Variants in DLX2 observed in about 807,000 individuals in gnomAD.
DLX2 encodes the protein homeobox protein DLX-2.
In DLX2, 8 loss-of-function variants were observed where a neutral mutation model predicts 27.4. The observed-to-expected ratio is 0.29, with a 90% CI of 0.17 to 0.53. The LOEUF (loss-of-function observed/expected upper bound fraction) is 0.53, where lower values mean the gene tolerates loss of function less well. Among genes scored for constraint, DLX2 ranks in the 20% least tolerant of loss-of-function variants. DLX2 has a pLI of 0.96. For missense variants in DLX2, 421 were observed against 450.9 expected (o/e 0.93, Z 0.60); for synonymous variants, 210 against 200.8 (o/e 1.05, Z -0.39).
rs548848081 is a variant in DLX2, at chr2:172,100,462, G to A, written c.*81C>T. On this transcript the variant is annotated 3_prime_UTR_variant, in exon 3 of 3. Coordinates refer to ENST00000234198, the MANE Select transcript of DLX2 (RefSeq NM_004405.4). The surrounding 1 kb of genome is among the most constrained non-coding windows in gnomAD (Gnocchi z 4.5). ...GAGAGGTGGGTGGCGGCAGCGGGCC[G>A]GGAGGAGGGAACCCCGGCTCGGGGT... The A allele has an allele frequency of 7.8e-5, 111 of 1,428,130 alleles. No individual in the cohort carries two copies. The African/African-American group carries it at 1.5e-3, about 19-fold the overall frequency. The allele number at this position is 1,428,130 out of a possible 1,614,324, so 88.5% of individuals were successfully genotyped here.
rs538584154 is a variant in DLX2 at position 172,099,712 on chromosome 2, T to C, written c.*831A>G. 6.5e-6 allele frequency: 1 copy of C among 152,766 alleles called. No homozygotes were observed. Among genetic ancestry groups the C allele is most frequent in the Non-Finnish European group, 1.5e-5 (1 of 68,026 alleles). The allele number at this position is 152,766 out of a possible 1,614,324, so 9.5% of individuals were successfully genotyped here. On this transcript the variant is annotated 3_prime_UTR_variant, in exon 3 of 3. Transcript: ENST00000234198. ...AAGTCTGAAAAGATGAGTATTTTTA[T>C]ACAAATAAATCAGTGGGAAAATCTG...
Position 172,101,752 on chromosome 2 carries a change from T to C in DLX2, c.401-106A>G, listed in dbSNP as rs906329109. On this transcript the variant is annotated intron_variant, in intron 1 of 2. Coordinates refer to ENST00000234198, the MANE Select transcript of DLX2 (RefSeq NM_004405.4). The stretch of plus-strand genomic sequence containing the variant: ...GACTTGGCTTGAGCAAAGAGGTGGG[T>C]GCACTGAACTGTGGCGCCACGGGCA... 8.1e-6 allele frequency: 10 copies of C among 1,235,720 alleles called. No homozygotes were observed. In the East Asian group the frequency reaches 2.1e-4, roughly 26 times the overall value. 76.5% of individuals were successfully genotyped at this position (1,235,720 alleles called of 1,614,324 possible).
chr2:172,100,456 C>G lies in DLX2; in HGVS notation c.*87G>C. The G allele has an allele frequency of 7.1e-7, 1 of 1,405,162 alleles. No individual in the cohort carries two copies. The highest frequency in any genetic ancestry group is 9.4e-7 in the Non-Finnish European group (1 of 1,059,700). 87.0% of individuals were successfully genotyped at this position (1,405,162 alleles called of 1,614,324 possible). On this transcript the variant is annotated 3_prime_UTR_variant, in exon 3 of 3. Coordinates refer to ENST00000234198, the MANE Select transcript of DLX2 (RefSeq NM_004405.4). This position sits in a 1 kb window ranked among gnomAD's most constrained non-coding sequence, Gnocchi z 4.5. ...CTGCAGGAGAGGTGGGTGGCGGCAG[C>G]GGGCCGGGAGGAGGGAACCCCGGCT...
Position 172,100,553 on chromosome 2 carries a change from G to C in DLX2, c.977C>G (p.Thr326Arg). 1 of 1,574,322 alleles carries C rather than the reference G, an allele frequency of 6.4e-7. No homozygotes were observed. The highest frequency in any genetic ancestry group is 1.4e-5 in the African/African-American group (1 of 71,140). ...GGGGAPVSAG[T>R]IF The stretch of plus-strand genomic sequence containing the variant: ...GAGTTCTCCCTGGGGTTAGAAAATC[G>C]TCCCCGCGCTCACCGGGGCGCCCCC... Residue 326 changes from threonine (T) to arginine (R), a missense_variant, in exon 3 of 3, where the codon ACG (threonine) becomes AGG (arginine). Thr to Arg is a moderately conservative substitution (Grantham distance 71). Around this residue, in one of 5 missense-constraint regions of DLX2, gnomAD observed 185 missense variants for 171.1 expected, o/e 1.08. Coordinates refer to ENST00000234198, the MANE Select transcript of DLX2 (RefSeq NM_004405.4). This position sits in a 1 kb window ranked among gnomAD's most constrained non-coding sequence, Gnocchi z 4.5.
chr2:172,102,673 C>A lies in DLX2; in HGVS notation c.-135G>T. 3.4e-6 allele frequency: 3 copies of A among 877,604 alleles called. No homozygotes were observed. The highest frequency in any genetic ancestry group is 5.1e-6 in the Non-Finnish European group (3 of 588,720). 54.4% of individuals were successfully genotyped at this position (877,604 alleles called of 1,614,324 possible). On this transcript the variant is annotated 5_prime_UTR_variant, in exon 1 of 3. Coordinates refer to ENST00000234198, the MANE Select transcript of DLX2 (RefSeq NM_004405.4). ...GGTGGGGAAACAAGAAAGGAGGCAACCGTCTAGGCGCCTCCTCCTCCGGGG... is the reference window on the plus strand; with the variant it reads ...GGTGGGGAAACAAGAAAGGAGGCAAACGTCTAGGCGCCTCCTCCTCCGGGG...
chr2:172,101,504 C>G lies in DLX2; in HGVS notation c.543G>C (p.Glu181Asp), dbSNP rs1229980856. The G allele has an allele frequency of 6.2e-7, 1 of 1,612,528 alleles. No individual in the cohort carries two copies. The highest frequency in any genetic ancestry group is 8.5e-7 in the Non-Finnish European group (1 of 1,179,170). Residue 181 changes from glutamate to aspartate, a missense_variant, in exon 2 of 3, where the codon GAG becomes GAC. By Grantham distance (45) the Glu-to-Asp change is conservative. This residue lies in a region of DLX2 where 36 missense variants were observed against 73.6 expected (regional missense o/e 0.49). Transcript: ENST00000234198. ...CCAGAGAGGCCGCCAGCTCGGCTCGCTCCGGCAAGGCCAAGTATTGAGTCT... is the reference window on the plus strand; with the variant it reads ...CCAGAGAGGCCGCCAGCTCGGCTCGGTCCGGCAAGGCCAAGTATTGAGTCT... ...FQKTQYLALP[E>D]RAELAASLGL... is the part of the protein sequence containing the mutation.
chr2:172,100,418 T>A lies in DLX2; in HGVS notation c.*125A>T, dbSNP rs1691130728. 9.0e-7 allele frequency: 1 copy of A among 1,109,802 alleles called. No individual in the cohort carries two copies. Among genetic ancestry groups the A allele is most frequent in the African/African-American group, 1.7e-5 (1 of 60,336 alleles). The allele number at this position is 1,109,802 out of a possible 1,614,324, so 68.7% of individuals were successfully genotyped here. ...GTGAGCAGGGCCTGAGACGGGCCACTGCAGGTCGCAGCCTGCAGGAGAGGT... is the reference window on the plus strand; with the variant it reads ...GTGAGCAGGGCCTGAGACGGGCCACAGCAGGTCGCAGCCTGCAGGAGAGGT... On this transcript the variant is annotated 3_prime_UTR_variant, in exon 3 of 3. Coordinates refer to ENST00000234198, the MANE Select transcript of DLX2 (RefSeq NM_004405.4). This position sits in a 1 kb window ranked among gnomAD's most constrained non-coding sequence, Gnocchi z 4.5.
chr2:172,102,642 G>A lies in DLX2; in HGVS notation c.-104C>T, dbSNP rs190309512. ...CTCCAGCAGCCAATGTAATTACGGG[G>A]GTGGTGGTGGGGAAACAAGAAAGGA... On this transcript the variant is annotated 5_prime_UTR_variant, in exon 1 of 3. Transcript: ENST00000234198. The A allele has an allele frequency of 9.7e-5, 116 of 1,192,562 alleles. 1 individual carries two copies. In the African/African-American group the frequency reaches 1.7e-3, roughly 17 times the overall value. 73.9% of individuals were successfully genotyped at this position (1,192,562 alleles called of 1,614,324 possible). A position where few individuals can be genotyped will look rare whatever the true frequency, so the allele number is the denominator to read the frequency against.
chr2:172,101,784 A>T, intron 1 of DLX2, 138 bp from the exon 2 acceptor site: 1 of 1,017,688 alleles, frequency 9.8e-7, no homozygotes. Flanking sequence ...GGCAGGCGCA[A>T]CTTCGCAGCG....
Position 172,102,423 on chromosome 2 carries a change from C to A in DLX2, c.116G>T (p.Gly39Val). The A allele has an allele frequency of 6.5e-7, 1 of 1,545,618 alleles. No homozygotes were observed. Among genetic ancestry groups the A allele is most frequent in the Non-Finnish European group, 8.7e-7 (1 of 1,143,902 alleles). The part of the protein sequence containing the change: ...PPSGGGAGPG[G>V]NSSSSSSLHK... Reference sequence around the variant, plus strand: ...GAGGCTGCTGCTGCTGCTGCTGTTGCCACCCGGGCCGGCGCCGCCGCCGCT... The same window carrying A: ...GAGGCTGCTGCTGCTGCTGCTGTTGACACCCGGGCCGGCGCCGCCGCCGCT... The change falls in exon 1 of 3, where the codon GGC becomes GTC. Residue 39 changes from glycine (G) to valine (V), a missense_variant. Gly to Val is a moderately radical substitution (Grantham distance 109). This residue lies in a region of DLX2 where 53 missense variants were observed against 59.5 expected (regional missense o/e 0.89). Coordinates refer to ENST00000234198, the MANE Select transcript of DLX2 (RefSeq NM_004405.4).
intron 1 of DLX2, 63 bp downstream of exon 1, chr2:172,102,076 G>A (rs1286817228): frequency 4.5e-6 from 7 of 1,555,732 alleles, no homozygotes; most frequent in African/African-American, 2.7e-5. Flanking sequence ...CCCCAAACAC[G>A]TTTACCCATC....
rs743605 is a variant in DLX2, at chr2:172,102,574, C to T, written c.-36G>A. On this transcript the variant is annotated 5_prime_UTR_variant, in exon 1 of 3. Transcript: ENST00000234198. ...GACGGGAAAGAGCAGAGGTGGCGGG[C>T]GTGCGGGGGAAGCCAGGCGCCTCCT... 0.45 allele frequency: 661,415 copies of T among 1,472,780 alleles called. 152,542 individuals carry two copies. Among genetic ancestry groups the T allele is most frequent in the Non-Finnish European group, 0.47 (528,224 of 1,112,368 alleles). The allele number at this position is 1,472,780 out of a possible 1,614,324, so 91.2% of individuals were successfully genotyped here.
chr2:172,100,581 C>A lies in DLX2; in HGVS notation c.949G>T (p.Gly317Cys). The A allele has an allele frequency of 1.9e-6, 3 of 1,578,370 alleles. No individual in the cohort carries two copies. Among genetic ancestry groups the A allele is most frequent in the Non-Finnish European group, 2.6e-6 (3 of 1,166,438 alleles). ...CCCGCGCTCACCGGGGCGCCCCCGCCGCCGTGATGGTGGTGGTGGTGATGC... is the reference window on the plus strand; with the variant it reads ...CCCGCGCTCACCGGGGCGCCCCCGCAGCCGTGATGGTGGTGGTGGTGATGC... ...QPHHHHHHHG[G>C]GGAPVSAGTI... Residue 317 changes from glycine to cysteine, a missense_variant, in exon 3 of 3, where the codon GGC (glycine) becomes TGC (cysteine). By Grantham distance (159) the Gly-to-Cys change is radical. Around this residue, in one of 5 missense-constraint regions of DLX2, gnomAD observed 185 missense variants for 171.1 expected, o/e 1.08. Transcript: ENST00000234198. This position sits in a 1 kb window ranked among gnomAD's most constrained non-coding sequence, Gnocchi z 4.5.
chr2:172,102,112 C>A, intron 1 of DLX2, 27 bp downstream of exon 1: 1 of 1,601,380 alleles, frequency 6.2e-7, no homozygotes, highest in Non-Finnish European at 8.5e-7. Flanking sequence ...ACCGACTCGG[C>A]ACTCTTGACT....
chr2:172,102,326 C>T lies in DLX2; in HGVS notation c.213G>A (p.Gln71=), dbSNP rs1195689981. The part of the protein sequence containing the change: ...ATDSSYYTNQ[Q]HPAGGGGGGG... The stretch of plus-strand genomic sequence containing the variant: ...CGCCGCCGCCGCCGCCCGCCGGGTG[C>T]TGCTGGTTGGTGTAGTAGCTGCTGT... Residue 71 remains glutamine (Q), a synonymous_variant, in exon 1 of 3, where the codon CAG becomes CAA. Transcript: ENST00000234198. The T allele has an allele frequency of 2.5e-6, 4 of 1,605,930 alleles. No individual in the cohort carries two copies. Among genetic ancestry groups the T allele is most frequent in the South Asian group, 2.2e-5 (2 of 90,370 alleles).
rs949286628 is a variant in DLX2 at position 172,101,035 on chromosome 2, C to T, written c.586-91G>A. 4.2e-6 allele frequency: 6 copies of T among 1,434,768 alleles called. No homozygotes were observed. In the South Asian group the frequency reaches 7.5e-5, roughly 18 times the overall value. The allele number at this position is 1,434,768 out of a possible 1,614,324, so 88.9% of individuals were successfully genotyped here. A position where few individuals can be genotyped will look rare whatever the true frequency, so the allele number is the denominator to read the frequency against. ...GGAGAAAAAAGAAGGCAGAGAAAAACCGCTGGCTAGCGGTGGGCAGCGAGC... is the reference window on the plus strand; with the variant it reads ...GGAGAAAAAAGAAGGCAGAGAAAAATCGCTGGCTAGCGGTGGGCAGCGAGC... On this transcript the variant is annotated intron_variant, in intron 2 of 2. Coordinates refer to ENST00000234198, the MANE Select transcript of DLX2 (RefSeq NM_004405.4).
chr2:172,101,332 C>G, intron 2 of DLX2, 130 bp downstream of exon 2: 1 of 1,123,782 alleles, frequency 8.9e-7, no homozygotes, highest in Admixed American at 2.8e-5. Flanking sequence ...CTTAGGGCCG[C>G]TCGAGGCGCA....
rs756000409 is a variant in DLX2 at position 172,100,967 on chromosome 2, A to G, written c.586-23T>C. 21 of 1,604,838 alleles carry G rather than the reference A, an allele frequency of 1.3e-5. No homozygotes were observed. The highest frequency in any genetic ancestry group is 1.7e-5 in the Non-Finnish European group (20 of 1,176,790). On this transcript the variant is annotated intron_variant, in intron 2 of 2. Transcript: ENST00000234198. This position sits in a 1 kb window ranked among gnomAD's most constrained non-coding sequence, Gnocchi z 4.5. ...GACCTTTGAGGAAAAAGACCTGAGC[A>G]TTAGTGGAGGAACCTAGTCTTGGGG...
Position 172,102,435 on chromosome 2 carries a change from G to GCGCCGC in DLX2, c.98_103dup (p.Gly33_Gly34dup), listed in dbSNP as rs1278999926. 3.2e-6 allele frequency: 5 copies of GCGCCGC among 1,548,390 alleles called. No individual in the cohort carries two copies. Among genetic ancestry groups the GCGCCGC allele is most frequent in the Non-Finnish European group, 4.4e-6 (5 of 1,146,102 alleles). ...GCTGCTGCTGTTGCCACCCGGGCCG[G>GCGCCGC]CGCCGCCGCCGCTCGGGGGCTGCTG... On this transcript the variant is annotated inframe_insertion, in exon 1 of 3. Coordinates refer to ENST00000234198, the MANE Select transcript of DLX2 (RefSeq NM_004405.4).
Sources: gnomAD v4.1 joint callset for allele counts on GRCh38, gnomAD v4.1.1 for gene constraint, gnomAD v4.1.1 regional missense constraint, Gnocchi (gnomAD v3.1) non-coding constraint, MANE v1.5 for transcripts, NCBI Gene and HGNC (gene_info 2026-07-23, HGNC 2026-07-21) for gene names.